The following VWC2 variants were observed in gnomAD, a reference collection of about 807,000 sequenced individuals.
The protein encoded by VWC2 is brorin.
In VWC2, 14 loss-of-function variants were observed where a neutral mutation model predicts 29.8. That is an observed-to-expected ratio of 0.47 (90% CI 0.31 to 0.74). The LOEUF is 0.74. Ranked by LOEUF, VWC2 falls within the 30% of genes least tolerant of loss-of-function variation. VWC2 has a pLI of 0.05. For missense variants in VWC2, 457 were observed against 459.8 expected (o/e 0.99, Z 0.05); for synonymous variants, 213 against 199.0 (o/e 1.07, Z -0.59).
At chr7:49,882,303 C>T (rs2128727515) in intron 3 of VWC2, among the ~76,000 whole-genome samples, 1 of 152,206 alleles carries the variant, frequency 6.6e-6, no homozygotes, top group South Asian at 2.1e-4. Context: ...GCTAAGCCTT[C>T]CTCACTTTAT....
intron 3 of VWC2, among the ~76,000 whole-genome samples, chr7:49,886,746 T>A (rs1322669554): frequency 2.0e-5 from 3 of 152,240 alleles, no homozygotes; most frequent in Admixed American, 2.0e-4. Flanking sequence ...TTAAAATTAA[T>A]CTTTCGATTC....
At chr7:49,853,536 T>C (rs1790284144) in intron 3 of VWC2, among the ~76,000 whole-genome samples, 1 of 152,028 alleles carries the variant, frequency 6.6e-6, no homozygotes. Context: ...GTTTTTGGTT[T>C]TTTTTTTCTT....
At chr7:49,893,638 T>TG (rs1287237338) in intron 3 of VWC2, among the ~76,000 whole-genome samples, 1 of 70,788 alleles carries the variant, frequency 1.4e-5, no homozygotes, top group Non-Finnish European at 3.3e-5. Context: ...GAAACCAGTT[T>TG]TTTTTTTTTT....
At chr7:49,880,552 T>A (rs1313717691) in intron 3 of VWC2, among the ~76,000 whole-genome samples, 1 of 151,630 alleles carries the variant, frequency 6.6e-6, no homozygotes, top group Non-Finnish European at 1.5e-5. Context: ...TTTTATAAAT[T>A]GTGATTTTTT....
intron 3 of VWC2, among the ~76,000 whole-genome samples, chr7:49,887,512 G>T (rs1022698878): frequency 8.8e-6 from 1 of 113,806 alleles, no homozygotes; most frequent in African/African-American, 3.8e-5. Context: ...TAATTGTGGG[G>T]TATTAGATAA....
chr7:49,797,542 G>A (rs138993585), intron 2 of VWC2, among the ~76,000 whole-genome samples: 1 of 152,338 alleles, frequency 6.6e-6, no homozygotes, highest in East Asian at 1.9e-4. Context: ...GTGGATGAGT[G>A]AGAATGATTA....
At chr7:49,892,483 G>A (rs1352389053) in intron 3 of VWC2, among the ~76,000 whole-genome samples, 2 of 152,194 alleles carry the variant, frequency 1.3e-5, no homozygotes, top group African/African-American at 4.8e-5. Flanking sequence ...TATACATTAT[G>A]ATTATCTAAG....
chr7:49,888,531 C>T (rs1222131726), intron 3 of VWC2, among the ~76,000 whole-genome samples: 1 of 152,178 alleles, frequency 6.6e-6, no homozygotes, highest in Non-Finnish European at 1.5e-5. Context: ...GAAGGACTGG[C>T]TTCAGTATCT....
chr7:49,790,363 C>G (rs1456292966), intron 2 of VWC2, among the ~76,000 whole-genome samples: 2 of 152,152 alleles, frequency 1.3e-5, no homozygotes, highest in Non-Finnish European at 2.9e-5. Context: ...TGTCTTCTTA[C>G]TGAGACTCAG....
At chr7:49,837,452 TC>T (rs921428964) in intron 3 of VWC2, among the ~76,000 whole-genome samples, 1 of 152,126 alleles carries the variant, frequency 6.6e-6, no homozygotes, top group African/African-American at 2.4e-5. Flanking sequence ...GACTTTTGGG[TC>T]CCCCCTTATT....
At chr7:49,843,686 G>A (rs1789851733) in intron 3 of VWC2, among the ~76,000 whole-genome samples, 1 of 152,206 alleles carries the variant, frequency 6.6e-6, no homozygotes, top group Non-Finnish European at 1.5e-5. Flanking sequence ...GTTGGTTGGG[G>A]AGCAGCAACA....
At chr7:49,844,000 A>C (rs1302872299) in intron 3 of VWC2, among the ~76,000 whole-genome samples, 3 of 152,188 alleles carry the variant, frequency 2.0e-5, no homozygotes, top group African/African-American at 7.2e-5. Context: ...AAGTCAATGA[A>C]GATTTCTGGG....
intron 3 of VWC2, among the ~76,000 whole-genome samples, chr7:49,811,738 G>A (rs996314144): frequency 6.6e-6 from 1 of 152,112 alleles, no homozygotes; most frequent in Admixed American, 6.5e-5. Context: ...CGCCTACTTT[G>A]GAAAACAGTT....
intron 3 of VWC2, among the ~76,000 whole-genome samples, chr7:49,834,150 T>G: frequency 6.6e-6 from 1 of 152,156 alleles, no homozygotes; most frequent in South Asian, 2.1e-4. Context: ...CCTTCTATTT[T>G]CCACCACAAT....
At chr7:49,875,860 G>A (rs1791393542) in intron 3 of VWC2, among the ~76,000 whole-genome samples, 1 of 152,138 alleles carries the variant, frequency 6.6e-6, no homozygotes, top group Non-Finnish European at 1.5e-5. Flanking sequence ...ATGAGCAAGA[G>A]AATCCTGCTT....
intron 3 of VWC2, among the ~76,000 whole-genome samples, chr7:49,901,793 T>C (rs1792744071): frequency 6.8e-6 from 1 of 146,688 alleles, no homozygotes; most frequent in Non-Finnish European, 1.5e-5. Context: ...ATCAAGACAG[T>C]GTGGTATTGG....
chr7:49,859,194 A>G (rs905500712), intron 3 of VWC2, among the ~76,000 whole-genome samples: 2 of 152,198 alleles, frequency 1.3e-5, no homozygotes, highest in Non-Finnish European at 2.9e-5. Flanking sequence ...GGAGTTTTTA[A>G]AGTCTTCTTT....
At chr7:49,901,982 A>G (rs763116578) in intron 3 of VWC2, among the ~76,000 whole-genome samples, 2 of 147,654 alleles carry the variant, frequency 1.4e-5, no homozygotes, top group African/African-American at 2.7e-5. Flanking sequence ...CTGAGCATCC[A>G]CATGTGAAAA....
chr7:49,857,714 G>A (rs1448055128), intron 3 of VWC2, among the ~76,000 whole-genome samples: 1 of 152,146 alleles, frequency 6.6e-6, no homozygotes, highest in Admixed American at 6.5e-5. Context: ...GCAAAATGGT[G>A]TAGTCCTTGT....
Sources: allele counts gnomAD v4.1 joint callset (sites outside exome capture counted in the v4.1 genomes callset), GRCh38; gene constraint gnomAD v4.1.1; transcripts MANE v1.5; gene names NCBI Gene and HGNC (gene_info 2026-07-23, HGNC 2026-07-21).